Variants in SYNPO2 observed in about 807,000 individuals in gnomAD.
SYNPO2 encodes synaptopodin 2.
SYNPO2 carries 56 observed loss-of-function variants against 85.0 expected under a neutral mutation model. The ratio of observed to expected loss-of-function variants is 0.66; its 90% CI spans 0.53 to 0.82. The LOEUF is 0.82. Ranked by LOEUF, SYNPO2 falls within the 40% of genes least tolerant of loss-of-function variation. SYNPO2 has a pLI of 0.00. For missense variants in SYNPO2, 1,575 were observed against 1,534.2 expected (o/e 1.03, Z -0.44); for synonymous variants, 602 against 591.1 (o/e 1.02, Z -0.27).
intron 1 of SYNPO2, among the ~76,000 whole-genome samples, chr4:119,007,894 T>C (rs567392317): frequency 5.3e-5 from 8 of 152,090 alleles, no homozygotes; most frequent in Non-Finnish European, 1.2e-4. Context: ...TATGTGTTAA[T>C]AGAGGAATAT....
chr4:119,005,445 T>C (rs1736999145), intron 1 of SYNPO2, among the ~76,000 whole-genome samples: 1 of 149,630 alleles, frequency 6.7e-6, no homozygotes, highest in South Asian at 2.3e-4. Flanking sequence ...TTTCTACATA[T>C]GGCTAGCCAG....
chr4:119,049,980 AAT>A (rs1387621791), intron 4 of SYNPO2, among the ~76,000 whole-genome samples: 1 of 152,018 alleles, frequency 6.6e-6, no homozygotes, highest in Non-Finnish European at 1.5e-5. Context: ...CCTTTTCCAA[AAT>A]TTCTAAGATC....
chr4:118,989,572 G>A (rs1005996415), intron 1 of SYNPO2, among the ~76,000 whole-genome samples: 2 of 152,226 alleles, frequency 1.3e-5, no homozygotes, highest in Non-Finnish European at 2.9e-5. Context: ...CTGACAGTCA[G>A]TGCTAGCAGT....
chr4:118,855,907 C>G (rs889192749), intron 1 of SYNPO2, among the ~76,000 whole-genome samples: 2 of 152,144 alleles, frequency 1.3e-5, no homozygotes, highest in Non-Finnish European at 2.9e-5. Flanking sequence ...CTTTCTCTTT[C>G]TTTTTCCCTT....
intron 1 of SYNPO2, among the ~76,000 whole-genome samples, chr4:118,893,694 A>G (rs1732447567): frequency 6.6e-6 from 1 of 152,192 alleles, no homozygotes; most frequent in South Asian, 2.1e-4. Flanking sequence ...GGACATCAGG[A>G]TTTATAAACA....
At chr4:118,886,246 TA>T (rs1370187757), upstream of SYNPO2, among the ~76,000 whole-genome samples, 5 of 152,050 alleles carry the variant, frequency 3.3e-5, no homozygotes, top group African/African-American at 1.2e-4. Flanking sequence ...GCTCATTTTT[TA>T]AAAATTTTTA....
chr4:119,053,325 T>A (rs1046986614), intron 4 of SYNPO2, among the ~76,000 whole-genome samples: 3 of 152,244 alleles, frequency 2.0e-5, no homozygotes, highest in Non-Finnish European at 4.4e-5. Context: ...AACTACATTG[T>A]ACCTATGGAA....
intron 1 of SYNPO2, among the ~76,000 whole-genome samples, chr4:118,953,672 T>C (rs760337989): frequency 2.0e-5 from 3 of 152,098 alleles, no homozygotes; most frequent in Admixed American, 6.5e-5. Flanking sequence ...TTGTACCATA[T>C]GGAAATATCT....
intron 1 of SYNPO2, among the ~76,000 whole-genome samples, chr4:118,858,793 A>G (rs1731556617): frequency 6.6e-6 from 1 of 152,232 alleles, no homozygotes; most frequent in Non-Finnish European, 1.5e-5. Flanking sequence ...TGCCTACTGC[A>G]TCTGAGACAA....
intron 4 of SYNPO2, chr4:119,034,384 G>C (rs1212469709): frequency 1.0e-6 from 1 of 977,832 alleles, no homozygotes; most frequent in African/African-American, 1.8e-5. Context: ...TGGTATGCAG[G>C]AATGAGAAGT....
At chr4:118,916,950 G>T (rs906925741) in intron 1 of SYNPO2, among the ~76,000 whole-genome samples, 3 of 151,912 alleles carry the variant, frequency 2.0e-5, no homozygotes, top group Non-Finnish European at 4.4e-5. Flanking sequence ...GTCCAGGCTG[G>T]TCTCCAGCCC....
chr4:118,861,318 A>G (rs1731607309), intron 1 of SYNPO2, among the ~76,000 whole-genome samples: 1 of 151,954 alleles, frequency 6.6e-6, no homozygotes, highest in Non-Finnish European at 1.5e-5. Flanking sequence ...ACACCCGGCT[A>G]ATTTTTTATT....
chr4:119,034,522 A>G, intron 4 of SYNPO2: 1 of 985,518 alleles, frequency 1.0e-6, no homozygotes, highest in Non-Finnish European at 1.2e-6. Flanking sequence ...GAGTTCTCCA[A>G]AACCTTGTAA....
chr4:118,964,259 G>C (rs1171015328), intron 1 of SYNPO2, among the ~76,000 whole-genome samples: 2 of 151,764 alleles, frequency 1.3e-5, no homozygotes, highest in Admixed American at 6.6e-5. Context: ...AGACCAGCCT[G>C]GGCAACAGGC....
At chr4:119,003,726 G>C (rs1371271117) in intron 1 of SYNPO2, among the ~76,000 whole-genome samples, 2 of 152,106 alleles carry the variant, frequency 1.3e-5, no homozygotes, top group African/African-American at 4.8e-5. Flanking sequence ...CTTTAGATTA[G>C]AACTGATGTC....
At chr4:119,046,881 A>G (rs183147369) in intron 4 of SYNPO2, among the ~76,000 whole-genome samples, 1 of 152,302 alleles carries the variant, frequency 6.6e-6, no homozygotes, top group East Asian at 1.9e-4. Context: ...GATTTCCTAG[A>G]AGCAGAAAGT....
At chr4:119,018,510 C>T (rs1578647361) in intron 1 of SYNPO2, among the ~76,000 whole-genome samples, 1 of 152,116 alleles carries the variant, frequency 6.6e-6, no homozygotes, top group African/African-American at 2.4e-5. Context: ...TGAGGAACCT[C>T]CATATGGTTC....
Position 119,023,579 on chromosome 4 carries a change from A to G in SYNPO2, c.255A>G (p.Lys85=), listed in dbSNP as rs769359809. 6.2e-7 allele frequency: 1 copy of G among 1,611,020 alleles called. No individual in the cohort carries two copies. The highest frequency in any genetic ancestry group is 8.5e-7 in the Non-Finnish European group (1 of 1,178,740). ...SITDSLQMLI[K]RPSSGISEAL... ...CAGACTCTCTCCAAATGCTCATCAA[A>G]AGGTACAACAGATTTGCTGGAATAT... is the stretch of plus-strand genomic sequence containing the variant. Residue 85 remains lysine, a splice_region_variant and synonymous_variant, in exon 2 of 5, where the codon AAA becomes AAG. Coordinates refer to ENST00000307142, the MANE Select transcript of SYNPO2 (RefSeq NM_133477.3).
intron 1 of SYNPO2, among the ~76,000 whole-genome samples, chr4:118,913,395 A>G (rs1042703096): frequency 2.0e-5 from 3 of 152,202 alleles, no homozygotes; most frequent in African/African-American, 7.2e-5. Context: ...TGGCATGTCA[A>G]TGAATGGCAA....
Sources: allele counts gnomAD v4.1 joint callset (sites outside exome capture counted in the v4.1 genomes callset), GRCh38; gene constraint gnomAD v4.1.1; transcripts MANE v1.5; gene names NCBI Gene and HGNC (gene_info 2026-07-23, HGNC 2026-07-21).